Variants in FCHSD2 observed in about 807,000 individuals in gnomAD.
FCHSD2 encodes the protein F-BAR and double SH3 domains protein 2.
In FCHSD2, 38 loss-of-function variants were observed where a neutral mutation model predicts 108.1. The ratio of observed to expected loss-of-function variants is 0.35; its 90% confidence interval spans 0.27 to 0.46. The LOEUF is 0.46. Ranked by LOEUF, FCHSD2 falls within the 20% of genes least tolerant of loss-of-function variation. The probability of loss-of-function intolerance (pLI) is 1.00; values close to 1 mark genes in which losing one functional copy is unlikely to be tolerated. For synonymous variants in FCHSD2, 279 were observed against 314.7 expected (o/e 0.89, Z 1.20); for missense variants, 751 against 897.8 (o/e 0.84, Z 2.09).
intron 13 of FCHSD2, among the ~76,000 whole-genome samples, chr11:72,851,571 T>C (rs1861288636): frequency 1.3e-5 from 2 of 151,968 alleles, no homozygotes; most frequent in African/African-American, 2.4e-5. Flanking sequence ...AAACCCCATC[T>C]CTATTAACAA....
At chr11:72,896,764 T>TAAAAAAAAAAAAAA (rs58159831) in intron 10 of FCHSD2, among the ~76,000 whole-genome samples, 16 of 68,388 alleles carry the variant, frequency 2.3e-4, no homozygotes, top group Non-Finnish European at 3.8e-4. Context: ...GGGAAAATAC[T>TAAAAAAAAAAAAAA]AAAAAAAAAA....
chr11:73,109,932 T>G (rs1860442108), intron 2 of FCHSD2, among the ~76,000 whole-genome samples: 1 of 152,228 alleles, frequency 6.6e-6, no homozygotes, highest in Non-Finnish European at 1.5e-5. Context: ...TAAATGCTTT[T>G]TGAGCATCAA....
At chr11:73,042,100 T>A (rs569931955) in intron 3 of FCHSD2, among the ~76,000 whole-genome samples, 1 of 152,248 alleles carries the variant, frequency 6.6e-6, no homozygotes, top group Admixed American at 6.5e-5. Context: ...CTAATTTTTT[T>A]ATTTTTAGTA....
chr11:72,905,246 T>C (rs1316010719), intron 9 of FCHSD2, among the ~76,000 whole-genome samples: 1 of 152,200 alleles, frequency 6.6e-6, no homozygotes. Flanking sequence ...CCTGTGCCTG[T>C]GTCCCGCTCT....
intron 8 of FCHSD2, among the ~76,000 whole-genome samples, chr11:72,950,197 G>C (rs1427184552): frequency 6.6e-6 from 1 of 151,970 alleles, no homozygotes. Context: ...TGGGTTATTT[G>C]TTTTTATTGA....
intron 4 of FCHSD2, among the ~76,000 whole-genome samples, chr11:73,014,985 A>G (rs1255677593): frequency 6.6e-6 from 1 of 152,084 alleles, no homozygotes; most frequent in Admixed American, 6.5e-5. Flanking sequence ...CTGCGATTAC[A>G]GGTGCCCGCC....
chr11:73,125,744 T>TA (rs1860840227), intron 2 of FCHSD2, among the ~76,000 whole-genome samples: 1 of 152,106 alleles, frequency 6.6e-6, no homozygotes, highest in African/African-American at 2.4e-5. Context: ...ATGACCACTT[T>TA]AAAAACAGAG....
intron 8 of FCHSD2, among the ~76,000 whole-genome samples, chr11:72,927,288 T>C (rs1856095472): frequency 6.6e-6 from 1 of 152,242 alleles, no homozygotes. Flanking sequence ...AGTGAGGCCA[T>C]TCTGTATGAT....
chr11:72,978,477 C>G (rs1591451746), intron 8 of FCHSD2, among the ~76,000 whole-genome samples: 1 of 152,268 alleles, frequency 6.6e-6, no homozygotes, highest in East Asian at 1.9e-4. Context: ...AATTAGATAG[C>G]ATGTCATCCC....
chr11:72,981,286 G>A (rs554926830), intron 8 of FCHSD2, among the ~76,000 whole-genome samples: 3 of 152,120 alleles, frequency 2.0e-5, no homozygotes, highest in Non-Finnish European at 4.4e-5. Context: ...ACCCAATGCT[G>A]ATCAAATATA....
At chr11:72,877,055 T>G (rs114266847) in intron 12 of FCHSD2, among the ~76,000 whole-genome samples, 1,727 of 152,020 alleles carry the variant, frequency 0.011, 28 homozygotes, top group African/African-American at 0.04. Flanking sequence ...CAGTGCAGCC[T>G]CAACCTCCAG....
intron 6 of FCHSD2, among the ~76,000 whole-genome samples, chr11:72,986,385 A>G (rs1226279797): frequency 6.6e-6 from 1 of 151,758 alleles, no homozygotes; most frequent in Non-Finnish European, 1.5e-5. Flanking sequence ...AATTTTTTGT[A>G]TTTTTAGTAG....
At chr11:72,864,465 A>T (rs1219163949) in intron 13 of FCHSD2, among the ~76,000 whole-genome samples, 2 of 152,182 alleles carry the variant, frequency 1.3e-5, no homozygotes, top group Non-Finnish European at 2.9e-5. Flanking sequence ...GGATCCATTG[A>T]GCCCCAAAGG....
At chr11:72,945,260 C>G (rs1856497452) in intron 8 of FCHSD2, among the ~76,000 whole-genome samples, 1 of 152,168 alleles carries the variant, frequency 6.6e-6, no homozygotes, top group East Asian at 1.9e-4. Context: ...CTACAACTAT[C>G]TGATCTTTGA....
chr11:73,079,063 A>T (rs1278802677), intron 3 of FCHSD2, among the ~76,000 whole-genome samples: 1 of 152,132 alleles, frequency 6.6e-6, no homozygotes, highest in East Asian at 1.9e-4. Flanking sequence ...AGTTTACATG[A>T]GTGTGTTCAC....
At chr11:72,970,098 T>C (rs1006065057) in intron 8 of FCHSD2, among the ~76,000 whole-genome samples, 2 of 152,176 alleles carry the variant, frequency 1.3e-5, no homozygotes, top group Non-Finnish European at 2.9e-5. Flanking sequence ...TCAAAGTGGT[T>C]TGAAAAAGAA....
intron 8 of FCHSD2, among the ~76,000 whole-genome samples, chr11:72,930,911 A>G (rs1230515695): frequency 2.6e-5 from 4 of 152,108 alleles, no homozygotes; most frequent in Admixed American, 2.6e-4. Flanking sequence ...TAATAATTGT[A>G]CATTTTAAAA....
Position 72,838,685 on chromosome 11 carries a change from T to A in FCHSD2, c.*106A>T. 2.3e-6 allele frequency: 2 copies of A among 875,524 alleles called. No individual in the cohort carries two copies. Among genetic ancestry groups the A allele is most frequent in the Admixed American group, 4.2e-5 (2 of 48,158 alleles). 54.2% of individuals were successfully genotyped at this position (875,524 alleles called of 1,614,324 possible). A position where few individuals can be genotyped will look rare whatever the true frequency, so the allele number is the denominator to read the frequency against. ...GTCACACATAATCCTCCTTGTTTTT[T>A]GCTCTGTTCAAGAGTCATCATCATG... On this transcript the variant is annotated 3_prime_UTR_variant, in exon 20 of 20. Coordinates refer to ENST00000409418, the MANE Select transcript of FCHSD2 (RefSeq NM_014824.3).
Position 72,843,429 on chromosome 11 carries a change from A to G in FCHSD2, c.1527+20T>C. The G allele has an allele frequency of 6.2e-7, 1 of 1,608,094 alleles. No homozygotes were observed. The highest frequency in any genetic ancestry group is 1.3e-5 in the African/African-American group (1 of 74,908). On this transcript the variant is annotated intron_variant, in intron 15 of 19. Transcript: ENST00000409418. Reference sequence around the variant, plus strand: ...CCTAAAAATGTCACAAGAAAGGGCGATATGAGCAAAGGAATATACCTTTAC... The same window carrying G: ...CCTAAAAATGTCACAAGAAAGGGCGGTATGAGCAAAGGAATATACCTTTAC...
Sources: allele counts gnomAD v4.1 joint callset (sites outside exome capture counted in the v4.1 genomes callset), GRCh38; gene constraint gnomAD v4.1.1; transcripts MANE v1.5; gene names NCBI Gene and HGNC (gene_info 2026-07-23, HGNC 2026-07-21).